ACER3: variants seen among roughly 807,000 people sequenced by gnomAD.
ACER3 encodes the protein alkaline ceramidase 3.
ACER3 carries 16 observed loss-of-function variants against 48.9 expected under a neutral mutation model. The observed-to-expected ratio is 0.33, with a 90% CI of 0.22 to 0.50. ACER3 has a LOEUF of 0.50. Ranked by LOEUF, ACER3 falls within the 20% of genes least tolerant of loss-of-function variation. The pLI is 0.98. For synonymous variants in ACER3, 109 were observed against 107.8 expected (o/e 1.01, Z -0.07); for missense variants, 227 against 326.0 (o/e 0.70, Z 2.34).
chr11:76,953,554 C>T (rs561186022), intron 2 of ACER3, among the ~76,000 whole-genome samples: 51 of 152,110 alleles, frequency 3.4e-4, no homozygotes, highest in African/African-American at 1.1e-3. Context: ...GCCAAGATTG[C>T]GCCATTGCAC....
intron 4 of ACER3, among the ~76,000 whole-genome samples, chr11:76,980,479 C>T (rs1173056966): frequency 1.3e-5 from 2 of 151,882 alleles, no homozygotes; most frequent in Admixed American, 1.3e-4. Context: ...GAGTTCAAGA[C>T]CAGCCTGGGC....
chr11:76,946,480 G>A (rs1369907007), intron 2 of ACER3, among the ~76,000 whole-genome samples: 1 of 152,134 alleles, frequency 6.6e-6, no homozygotes, highest in Non-Finnish European at 1.5e-5. Flanking sequence ...AGCCACATCA[G>A]CCCAAACTCA....
At chr11:76,956,068 G>T (rs1947831784) in intron 2 of ACER3, among the ~76,000 whole-genome samples, 1 of 152,172 alleles carries the variant, frequency 6.6e-6, no homozygotes. Context: ...GAAAATGACT[G>T]CTAATGGGTA....
chr11:76,863,264 C>T (rs968530999), intron 1 of ACER3, among the ~76,000 whole-genome samples: 3 of 151,992 alleles, frequency 2.0e-5, no homozygotes, highest in African/African-American at 7.2e-5. Context: ...AGAAAACTGG[C>T]GGTAAGTCAT....
rs1226346536 is a variant in ACER3, at chr11:77,025,404, ATATATATT to A, written c.*5081_*5088del. On this transcript the variant is annotated 3_prime_UTR_variant, in exon 11 of 11. Coordinates refer to ENST00000532485, the MANE Select transcript of ACER3 (RefSeq NM_018367.7). ...TTTATTTTATTCTTTATATATATAT[ATATATATT>A]TATTTATTTTTTTGAGACAGAGTCT... The A allele has an allele frequency of 6.9e-6, 1 of 144,024 alleles. No individual in the cohort carries two copies. Among genetic ancestry groups the A allele is most frequent in the African/African-American group, 2.6e-5 (1 of 38,082 alleles). 8.9% of individuals were successfully genotyped at this position (144,024 alleles called of 1,614,324 possible).
At chr11:76,919,325 A>G (rs531729228) in intron 1 of ACER3, among the ~76,000 whole-genome samples, 1 of 152,248 alleles carries the variant, frequency 6.6e-6, no homozygotes, top group South Asian at 2.1e-4. Flanking sequence ...TTCATTCACA[A>G]TTCTCTTAAA....
intron 5 of ACER3, among the ~76,000 whole-genome samples, chr11:76,987,102 G>A (rs1389251927): frequency 1.3e-5 from 2 of 152,072 alleles, no homozygotes; most frequent in African/African-American, 4.8e-5. Flanking sequence ...GTAGTGTGGA[G>A]CCAATAACTG....
At chr11:76,935,325 T>A (rs1250374327) in intron 2 of ACER3, among the ~76,000 whole-genome samples, 1 of 152,182 alleles carries the variant, frequency 6.6e-6, no homozygotes, top group African/African-American at 2.4e-5. Flanking sequence ...TAATTATATT[T>A]AAAATTATAA....
intron 7 of ACER3, among the ~76,000 whole-genome samples, chr11:77,013,206 G>A (rs1412092184): frequency 6.6e-6 from 1 of 152,002 alleles, no homozygotes; most frequent in Non-Finnish European, 1.5e-5. Context: ...GATATTTTTG[G>A]TTCGGCAAAG....
chr11:76,959,146 T>G, intron 3 of ACER3, 115 bp downstream of exon 3: 2 of 1,562,366 alleles, frequency 1.3e-6, no homozygotes, highest in Non-Finnish European at 8.6e-7. Context: ...CTCTGGAGTT[T>G]TTTACTTCAA....
chr11:76,984,073 C>T (rs1948640902), intron 4 of ACER3, among the ~76,000 whole-genome samples: 1 of 152,206 alleles, frequency 6.6e-6, no homozygotes. Context: ...CAGGCGTGAG[C>T]CACCGCACCT....
chr11:76,926,513 G>A (rs757004603), intron 1 of ACER3, 44 bp from the exon 2 acceptor site: 1 of 1,179,400 alleles, frequency 8.5e-7, no homozygotes, highest in South Asian at 1.4e-5. Context: ...TATTTAAAGT[G>A]TTATTGATTA....
chr11:76,971,137 C>T (rs541780098), intron 3 of ACER3, among the ~76,000 whole-genome samples: 8 of 152,186 alleles, frequency 5.3e-5, no homozygotes, highest in South Asian at 2.1e-4. Flanking sequence ...GTTGTTCCCA[C>T]GTTTTAAGTA....
intron 1 of ACER3, among the ~76,000 whole-genome samples, chr11:76,926,029 C>T (rs1946822044): frequency 6.6e-6 from 1 of 152,084 alleles, no homozygotes; most frequent in Non-Finnish European, 1.5e-5. Flanking sequence ...AAATTAAGAT[C>T]CATTAATTAG....
At chr11:77,005,036 CTTTT>C (rs57411582) in intron 7 of ACER3, among the ~76,000 whole-genome samples, 5,937 of 112,870 alleles carry the variant, frequency 0.053, 260 homozygotes, top group African/African-American at 0.17. Flanking sequence ...TAAACTTTTT[CTTTT>C]TTTTTTTTTT....
chr11:76,889,006 C>T (rs1945742175), intron 1 of ACER3, among the ~76,000 whole-genome samples: 1 of 152,152 alleles, frequency 6.6e-6, no homozygotes, highest in Admixed American at 6.5e-5. Context: ...TCAATAAAGG[C>T]CAGTGGTCTT....
intron 1 of ACER3, among the ~76,000 whole-genome samples, chr11:76,876,706 A>G (rs1246362001): frequency 3.9e-5 from 6 of 152,106 alleles, no homozygotes; most frequent in African/African-American, 7.2e-5. Flanking sequence ...TTTAGTGTCA[A>G]TTTTTCAAAT....
intron 1 of ACER3, among the ~76,000 whole-genome samples, chr11:76,867,390 A>G (rs1292938421): frequency 7.0e-6 from 1 of 142,812 alleles, no homozygotes; most frequent in Non-Finnish European, 1.5e-5. Context: ...AATCACTTGA[A>G]CGCTGGAGGC....
intron 1 of ACER3, among the ~76,000 whole-genome samples, chr11:76,862,233 A>G (rs948062184): frequency 3.9e-5 from 6 of 151,956 alleles, no homozygotes. Context: ...AGAGGCAAGC[A>G]TATCATGACA....
Sources: allele counts gnomAD v4.1 joint callset (sites outside exome capture counted in the v4.1 genomes callset), GRCh38; gene constraint gnomAD v4.1.1; transcripts MANE v1.5; gene names NCBI Gene and HGNC (gene_info 2026-07-23, HGNC 2026-07-21).